IMMP2L: variants seen among roughly 807,000 people sequenced by gnomAD.
The protein encoded by IMMP2L is mitochondrial inner membrane protease subunit 2.
A neutral mutation model predicts 19.3 loss-of-function variants in IMMP2L; 18 were observed. The ratio of observed to expected loss-of-function variants is 0.93; its 90% CI spans 0.64 to 1.38. IMMP2L has a LOEUF of 1.38. Ranked by LOEUF, IMMP2L falls within the 40% of genes most tolerant of loss-of-function variation. The pLI is 0.00. For synonymous variants in IMMP2L, 76 were observed against 73.0 expected (o/e 1.04, Z -0.21); for missense variants, 233 against 218.2 (o/e 1.07, Z -0.43).
intron 3 of IMMP2L, among the ~76,000 whole-genome samples, chr7:111,307,419 A>G (rs1823000004): frequency 6.6e-6 from 1 of 151,948 alleles, no homozygotes; most frequent in South Asian, 2.1e-4. Context: ...TGATCTTTGC[A>G]CTAAACATGC....
intron 4 of IMMP2L, among the ~76,000 whole-genome samples, chr7:110,912,792 T>C (rs1424218042): frequency 6.6e-6 from 1 of 152,078 alleles, no homozygotes; most frequent in Non-Finnish European, 1.5e-5. Flanking sequence ...GGTCTACATC[T>C]AGCCTGAAAG....
chr7:110,852,673 T>C lies in IMMP2L; in HGVS notation c.408+33920A>G, dbSNP rs1806357016. 1.3e-5 allele frequency among the ~76,000 whole-genome samples: 2 copies of C among 152,070 alleles called. 1 individual carries two copies. Among genetic ancestry groups the C allele is most frequent in the South Asian group, 4.1e-4 (2 of 4,828 alleles). On this transcript the variant is annotated intron_variant, in intron 5 of 5. Transcript: ENST00000405709. ...GTCTCTAAGCTTCACTATCCTGGAA[T>C]GTCTCCTTATAAAAACGTTATTGTA...
chr7:111,142,336 A>AGAAAG (rs1803000469), intron 3 of IMMP2L, among the ~76,000 whole-genome samples: 1 of 132,674 alleles, frequency 7.5e-6, no homozygotes, highest in African/African-American at 3.3e-5. Flanking sequence ...AAAAAAAAAA[A>AGAAAG]AAAAAAAGAA....
chr7:111,040,153 G>T (rs28542996), intron 3 of IMMP2L, among the ~76,000 whole-genome samples: 21,889 of 152,084 alleles, frequency 0.14, 1,680 homozygotes, highest in South Asian at 0.25. Context: ...TGGGTGACAA[G>T]ACCAAAACTC....
intron 5 of IMMP2L, among the ~76,000 whole-genome samples, chr7:110,807,811 C>T (rs1192078489): frequency 1.3e-5 from 2 of 152,018 alleles, no homozygotes; most frequent in Non-Finnish European, 2.9e-5. Context: ...CTCACAAAAA[C>T]TGGCCCCCAG....
At chr7:110,682,570 G>T (rs1234549376) in intron 5 of IMMP2L, among the ~76,000 whole-genome samples, 1 of 152,134 alleles carries the variant, frequency 6.6e-6, no homozygotes, top group Non-Finnish European at 1.5e-5. Context: ...AAGGTGATGG[G>T]GGGATGATCA....
At chr7:110,732,939 C>G (rs1796369616) in intron 5 of IMMP2L, among the ~76,000 whole-genome samples, 1 of 152,038 alleles carries the variant, frequency 6.6e-6, no homozygotes. Context: ...GCACCTACCA[C>G]CACATCTGGC....
At chr7:111,403,247 T>C (rs1033230082) in intron 3 of IMMP2L, among the ~76,000 whole-genome samples, 3 of 151,812 alleles carry the variant, frequency 2.0e-5, no homozygotes, top group African/African-American at 7.3e-5. Flanking sequence ...AATTGTTTAA[T>C]AGGTCCTCCC....
intron 5 of IMMP2L, among the ~76,000 whole-genome samples, chr7:110,799,145 C>T (rs1039467381): frequency 2.0e-5 from 3 of 151,966 alleles, no homozygotes; most frequent in African/African-American, 7.2e-5. Flanking sequence ...ATACTATTAG[C>T]CCGAGCTGGG....
chr7:111,272,248 C>T (rs767964850), intron 3 of IMMP2L, among the ~76,000 whole-genome samples: 1 of 152,110 alleles, frequency 6.6e-6, no homozygotes, highest in Non-Finnish European at 1.5e-5. Context: ...CCTTCAACCA[C>T]TTCTCATTTT....
intron 3 of IMMP2L, among the ~76,000 whole-genome samples, chr7:111,474,268 A>C (rs530228042): frequency 2.6e-5 from 4 of 152,206 alleles, no homozygotes; most frequent in African/African-American, 7.2e-5. Flanking sequence ...CCTAAACCTC[A>C]GCATCACACA....
At chr7:110,819,223 C>A (rs543304533) in intron 5 of IMMP2L, among the ~76,000 whole-genome samples, 7 of 151,984 alleles carry the variant, frequency 4.6e-5, no homozygotes, top group African/African-American at 1.7e-4. Context: ...TTGGGTGGAA[C>A]CTTGCTGGAA....
At position 111,430,284 on chromosome 7, in the gene IMMP2L, C is replaced by T. The variant is rs1020688084; in HGVS notation, c.239+56954G>A. On this transcript the variant is annotated intron_variant, in intron 3 of 5. Transcript: ENST00000405709. ...TTTCTACAATATGCCTCCTGAATAA[C>T]CTAACTGAAATATGTCTGACAACTA... 3.3e-5 allele frequency among the ~76,000 whole-genome samples: 5 copies of T among 151,594 alleles called. No homozygotes were observed. The South Asian group carries it at 6.2e-4, about 19-fold the overall frequency.
intron 3 of IMMP2L, among the ~76,000 whole-genome samples, chr7:111,251,657 A>G (rs1177349976): frequency 1.3e-5 from 2 of 152,060 alleles, no homozygotes; most frequent in African/African-American, 2.4e-5. Flanking sequence ...AAAACCAAAC[A>G]CCACGTGTTC....
intron 3 of IMMP2L, among the ~76,000 whole-genome samples, chr7:111,438,229 A>G (rs1174703277): frequency 6.6e-6 from 1 of 151,750 alleles, no homozygotes; most frequent in Non-Finnish European, 1.5e-5. Context: ...TATTAGACAC[A>G]TATCAATTAT....
intron 3 of IMMP2L, among the ~76,000 whole-genome samples, chr7:111,007,003 T>G (rs1297852042): frequency 6.6e-6 from 1 of 152,148 alleles, no homozygotes; most frequent in Non-Finnish European, 1.5e-5. Flanking sequence ...AACCTACTTG[T>G]ATTAGTCAGT....
At chr7:110,694,582 C>T (rs1446160753) in intron 5 of IMMP2L, among the ~76,000 whole-genome samples, 1 of 152,008 alleles carries the variant, frequency 6.6e-6, no homozygotes, top group Non-Finnish European at 1.5e-5. Flanking sequence ...AGAAGGTACT[C>T]AGGTCTGAAG....
At chr7:111,441,028 G>C (rs117800478) in intron 3 of IMMP2L, among the ~76,000 whole-genome samples, 1 of 151,962 alleles carries the variant, frequency 6.6e-6, no homozygotes, top group East Asian at 1.9e-4. Flanking sequence ...TCATAGAATT[G>C]AAGGAAGTCA....
chr7:111,023,569 G>A (rs1015415309), intron 3 of IMMP2L, among the ~76,000 whole-genome samples: 2 of 151,680 alleles, frequency 1.3e-5, no homozygotes, highest in Non-Finnish European at 2.9e-5. Context: ...AATTAGCCAG[G>A]TGTGGTAGCA....
Sources: gnomAD v4.1 joint callset for allele counts (sites outside exome capture counted in the v4.1 genomes callset) on GRCh38, gnomAD v4.1.1 for gene constraint, MANE v1.5 for transcripts, NCBI Gene and HGNC (gene_info 2026-07-23, HGNC 2026-07-21) for gene names.